AVEN: variants seen among roughly 807,000 people sequenced by gnomAD.
AVEN encodes the protein apoptosis and caspase activation inhibitor.
Under a neutral mutation model 38.1 loss-of-function variants are expected in AVEN, and 41 were observed. The ratio of observed to expected loss-of-function variants is 1.08; its 90% CI spans 0.84 to 1.40. The LOEUF (loss-of-function observed/expected upper bound fraction) is 1.40, where lower values mean the gene tolerates loss of function less well. AVEN is among the 40% of genes most tolerant of loss of function. The pLI, the probability that AVEN is intolerant of heterozygous loss-of-function variation, is 0.00. For synonymous variants in AVEN, 206 were observed against 171.8 expected (o/e 1.20, Z -1.56); for missense variants, 605 against 438.8 (o/e 1.38, Z -3.38).
At chr15:34,041,856 C>T (rs1899488686), upstream of AVEN, among the ~76,000 whole-genome samples, 1 of 152,088 alleles carries the variant, frequency 6.6e-6, no homozygotes. Flanking sequence ...GGATTTATAC[C>T]AGTACAGTCT....
intron 1 of AVEN, among the ~76,000 whole-genome samples, chr15:34,005,142 T>C (rs563328566): frequency 3.3e-5 from 5 of 152,274 alleles, no homozygotes; most frequent in Admixed American, 3.3e-4. Context: ...TATGTATATA[T>C]TTATATATAC....
At chr15:33,922,093 G>C (rs1191356565) in intron 2 of AVEN, among the ~76,000 whole-genome samples, 1 of 152,180 alleles carries the variant, frequency 6.6e-6, no homozygotes, top group Non-Finnish European at 1.5e-5. Context: ...ATTTTAGCAG[G>C]ACGTATCTAA....
intron 3 of AVEN, among the ~76,000 whole-genome samples, chr15:33,871,250 C>T (rs1890935450): frequency 6.6e-6 from 1 of 152,128 alleles, no homozygotes; most frequent in East Asian, 1.9e-4. Context: ...AGAGCAACAA[C>T]AGGGCAATGA....
chr15:34,064,004 A>G (rs766375365), intron 4 of AVEN: 1 of 1,614,164 alleles, frequency 6.2e-7, no homozygotes, highest in East Asian at 2.2e-5. Context: ...TGACCAAACG[A>G]AAGAGAGTGG....
At chr15:33,854,449 C>G (rs567024433), downstream of AVEN, 15 of 1,567,352 alleles carry the variant, frequency 9.6e-6, no homozygotes, top group Non-Finnish European at 1.3e-5. Flanking sequence ...TTACTGACAA[C>G]GTAAGTACTG....
chr15:33,997,808 C>A (rs1896997900), intron 2 of AVEN, among the ~76,000 whole-genome samples: 1 of 152,140 alleles, frequency 6.6e-6, no homozygotes. Flanking sequence ...ATGATTAAGT[C>A]CTACCCTTCC....
downstream of AVEN, chr15:33,865,507 TAGTTC>T (rs149171962): frequency 0.033 from 12,007 of 360,622 alleles, 351 homozygotes; most frequent in Non-Finnish European, 0.038. Flanking sequence ...CTGAGGTAAC[TAGTTC>T]AGTTTGTTGG....
intron 2 of AVEN, among the ~76,000 whole-genome samples, chr15:34,070,336 A>G (rs2140856442): frequency 6.6e-6 from 1 of 152,078 alleles, no homozygotes; most frequent in East Asian, 1.9e-4. Flanking sequence ...CCTGTAGATA[A>G]CAAATTTTCT....
chr15:34,033,277 G>A (rs571628988), intron 1 of AVEN, among the ~76,000 whole-genome samples: 35 of 152,154 alleles, frequency 2.3e-4, no homozygotes, highest in Non-Finnish European at 3.8e-4. Context: ...AGGCAGAAGC[G>A]GGCGGACTGC....
intron 2 of AVEN, among the ~76,000 whole-genome samples, chr15:33,956,133 G>T (rs1055616515): frequency 3.3e-5 from 5 of 152,084 alleles, no homozygotes; most frequent in Non-Finnish European, 7.4e-5. Flanking sequence ...TGTAGTTATT[G>T]CGTGTAGCTA....
intron 2 of AVEN, among the ~76,000 whole-genome samples, chr15:33,955,054 C>G (rs1894905299): frequency 6.6e-6 from 1 of 152,104 alleles, no homozygotes. Flanking sequence ...TTTCAGATAC[C>G]ATAAAGAATA....
intron 2 of AVEN, among the ~76,000 whole-genome samples, chr15:33,894,391 A>G (rs1255454936): frequency 5.3e-5 from 8 of 152,022 alleles, no homozygotes; most frequent in Admixed American, 2.6e-4. Context: ...GGCCTTCATT[A>G]GGATCTTACT....
chr15:34,068,742 A>C (rs1900568679), intron 2 of AVEN, among the ~76,000 whole-genome samples: 1 of 151,792 alleles, frequency 6.6e-6, no homozygotes. Context: ...TCATGGTTAG[A>C]CTTATTTAAT....
At chr15:34,044,008 A>C (rs997714547), upstream of AVEN, among the ~76,000 whole-genome samples, 3 of 148,824 alleles carry the variant, frequency 2.0e-5, no homozygotes, top group Non-Finnish European at 3.0e-5. Flanking sequence ...AAATGCTCCC[A>C]CTCTCCCCTG....
rs551527369 is a variant in AVEN at position 33,945,786 on chromosome 15, T to C, written c.445+57246A>G. On this transcript the variant is annotated intron_variant, in intron 2 of 5. Coordinates refer to ENST00000306730, the MANE Select transcript of AVEN (RefSeq NM_020371.3). ...TATTTTCGTAGAGACGGGGTTTCGCTATGTTGGCCAGGATAGTCTCGATCT... is the reference window on the plus strand; with the variant it reads ...TATTTTCGTAGAGACGGGGTTTCGCCATGTTGGCCAGGATAGTCTCGATCT... 4.2e-4 allele frequency among the ~76,000 whole-genome samples: 64 copies of C among 152,178 alleles called. No individual in the cohort carries two copies. In the South Asian group the frequency reaches 0.013, roughly 31 times the overall value.
chr15:33,931,083 G>A lies in AVEN; in HGVS notation c.446-55088C>T, dbSNP rs185612752. On this transcript the variant is annotated intron_variant, in intron 2 of 5. Coordinates refer to ENST00000306730, the MANE Select transcript of AVEN (RefSeq NM_020371.3). The stretch of plus-strand genomic sequence containing the variant: ...TACACACCCCTTAGAATAATTAGAC[G>A]TTAGTACTTTTCTTTTGTCTTTTAG... 2.6e-5 allele frequency among the ~76,000 whole-genome samples: 4 copies of A among 151,990 alleles called. No individual in the cohort carries two copies. The East Asian group carries it at 5.8e-4, about 22-fold the overall frequency.
At chr15:33,937,320 G>A (rs1267966774) in intron 2 of AVEN, among the ~76,000 whole-genome samples, 5 of 151,196 alleles carry the variant, frequency 3.3e-5, no homozygotes, top group Non-Finnish European at 5.9e-5. Flanking sequence ...GGATCATGAG[G>A]TCAGGAGATT....
chr15:34,062,669 A>G, intron 5 of AVEN: 1 of 1,536,854 alleles, frequency 6.5e-7, no homozygotes, highest in Non-Finnish European at 8.8e-7. Flanking sequence ...GCTGAAATAG[A>G]AAACAGCCTA....
chr15:33,952,777 G>A (rs966447353), intron 2 of AVEN, among the ~76,000 whole-genome samples: 7 of 151,524 alleles, frequency 4.6e-5, no homozygotes, highest in Non-Finnish European at 1.0e-4. Flanking sequence ...TGCCTAATAG[G>A]GCACTATACG....
Sources: gnomAD v4.1 joint callset for allele counts (sites outside exome capture counted in the v4.1 genomes callset) on GRCh38, gnomAD v4.1.1 for gene constraint, MANE v1.5 for transcripts, NCBI Gene and HGNC (gene_info 2026-07-23, HGNC 2026-07-21) for gene names.